Variants in ZEB1 observed in about 807,000 individuals in gnomAD.
ZEB1 encodes the protein zinc finger E-box binding homeobox 1.
In ZEB1, 21 loss-of-function variants were observed where a neutral mutation model predicts 84.9. That is an observed-to-expected ratio of 0.25 (90% CI 0.18 to 0.36). ZEB1 has a LOEUF of 0.36. Among genes scored for constraint, ZEB1 ranks in the 10% least tolerant of loss-of-function variants. The probability of loss-of-function intolerance (pLI) is 1.00; values close to 1 mark genes in which losing one functional copy is unlikely to be tolerated. For missense variants in ZEB1, 1,104 were observed against 1,330.2 expected (o/e 0.83, Z 2.65); for synonymous variants, 420 against 471.1 (o/e 0.89, Z 1.41).
intron 1 of ZEB1, among the ~76,000 whole-genome samples, chr10:31,446,335 C>A (rs1008850205): frequency 6.6e-6 from 1 of 151,962 alleles, no homozygotes; most frequent in African/African-American, 2.4e-5. Flanking sequence ...AGTGGTCTAT[C>A]AATTTTGTTG....
intron 1 of ZEB1, among the ~76,000 whole-genome samples, chr10:31,369,596 C>A (rs572159438): frequency 2.6e-5 from 4 of 152,274 alleles, no homozygotes; most frequent in Admixed American, 1.3e-4. Context: ...TTCCTTGATT[C>A]ATCCATTGAT....
At chr10:31,408,513 AC>A (rs2053583011) in intron 1 of ZEB1, among the ~76,000 whole-genome samples, 1 of 150,010 alleles carries the variant, frequency 6.7e-6, no homozygotes, top group South Asian at 2.1e-4. Context: ...GGCTACAGTA[AC>A]CAAAACAGCA....
chr10:31,405,612 T>C (rs1419759856), intron 1 of ZEB1, among the ~76,000 whole-genome samples: 1 of 152,146 alleles, frequency 6.6e-6, no homozygotes, highest in Admixed American at 6.6e-5. Flanking sequence ...AAGCCCATTG[T>C]GGTTTTTACA....
intron 1 of ZEB1, among the ~76,000 whole-genome samples, chr10:31,322,568 A>T (rs975685329): frequency 6.6e-6 from 1 of 152,220 alleles, no homozygotes; most frequent in African/African-American, 2.4e-5. Flanking sequence ...CCAATTGAGT[A>T]AGGTTTGGCC....
At chr10:31,437,227 T>C (rs565602256) in intron 1 of ZEB1, among the ~76,000 whole-genome samples, 603 of 152,312 alleles carry the variant, frequency 4.0e-3, no homozygotes, top group Non-Finnish European at 6.5e-3. Context: ...CATTTAATTA[T>C]GTACTATGAC....
chr10:31,487,350 TCTTC>T (rs2065882137), intron 2 of ZEB1, among the ~76,000 whole-genome samples: 1 of 151,452 alleles, frequency 6.6e-6, no homozygotes, highest in South Asian at 2.1e-4. Context: ...AGAACTGACT[TCTTC>T]CTTAAAGTGT....
intron 2 of ZEB1, among the ~76,000 whole-genome samples, chr10:31,473,791 A>G (rs367739085): frequency 8.8e-4 from 132 of 150,210 alleles, no homozygotes; most frequent in East Asian, 2.0e-3. Flanking sequence ...GAGGCATCAC[A>G]CTACCTGACT....
intron 1 of ZEB1, among the ~76,000 whole-genome samples, chr10:31,451,182 T>C (rs150223504): frequency 2.2e-3 from 330 of 152,318 alleles, no homozygotes; most frequent in African/African-American, 7.6e-3. Context: ...TATTTACATT[T>C]TCCTAGAAAG....
chr10:31,495,596 A>C (rs1347596836), intron 2 of ZEB1, among the ~76,000 whole-genome samples, 180 bp from the exon 3 acceptor site: 1 of 152,052 alleles, frequency 6.6e-6, no homozygotes, highest in East Asian at 1.9e-4. Context: ...TTGTTTTTTT[A>C]ATCTTTTATT....
At chr10:31,386,731 A>G (rs1446463286) in intron 1 of ZEB1, among the ~76,000 whole-genome samples, 1 of 152,196 alleles carries the variant, frequency 6.6e-6, no homozygotes, top group Non-Finnish European at 1.5e-5. Flanking sequence ...ATATGCCATT[A>G]TCTTGGAAAT....
At chr10:31,452,294 A>G (rs569516025) in intron 1 of ZEB1, among the ~76,000 whole-genome samples, 1 of 152,162 alleles carries the variant, frequency 6.6e-6, no homozygotes, top group Non-Finnish European at 1.5e-5. Context: ...ATTATATAAC[A>G]TTACATTTGT....
At chr10:31,356,925 T>G (rs539866900) in intron 1 of ZEB1, among the ~76,000 whole-genome samples, 4 of 152,276 alleles carry the variant, frequency 2.6e-5, no homozygotes, top group African/African-American at 9.6e-5. Context: ...ATACAGATTT[T>G]TATGTAAATT....
intron 1 of ZEB1, among the ~76,000 whole-genome samples, chr10:31,330,115 G>C (rs1045690036): frequency 2.6e-5 from 4 of 152,182 alleles, no homozygotes; most frequent in Admixed American, 2.0e-4. Flanking sequence ...GCCTATTCCA[G>C]ATCTTCAGGA....
intron 1 of ZEB1, chr10:31,361,133 T>C (rs2042983782): frequency 3.7e-6 from 6 of 1,611,988 alleles, no homozygotes; most frequent in African/African-American, 2.7e-5. Flanking sequence ...AAAGAAGAAC[T>C]GATTGAAGAG....
chr10:31,461,217 A>G lies in ZEB1; in HGVS notation c.239A>G (p.Lys80Arg). ...GRSSEREGNA[K>R]NCWEDDTGKE... Reference sequence around the variant, plus strand: ...AGCAGTGAAAGAGAAGGGAATGCTAAGAACTGCTGGGAGGATGACAGTAAG... The same window carrying G: ...AGCAGTGAAAGAGAAGGGAATGCTAGGAACTGCTGGGAGGATGACAGTAAG... The change falls in exon 2 of 9, where the codon AAG (lysine) becomes AGG (arginine). Residue 80 changes from lysine to arginine, a missense_variant. By Grantham distance (26) the Lys-to-Arg change is conservative. Around this residue, in one of 7 missense-constraint regions of ZEB1, gnomAD observed 162 missense variants for 184.5 expected, o/e 0.88. Transcript: ENST00000424869. 1 of 1,613,172 alleles carries G rather than the reference A, an allele frequency of 6.2e-7. No individual in the cohort carries two copies.
Position 31,476,068 on chromosome 10 carries a change from G to T in ZEB1, c.259+14831G>T, listed in dbSNP as rs191325044. Among the ~76,000 whole-genome samples, 380 of 151,968 alleles carry T rather than the reference G, an allele frequency of 2.5e-3. 2 individuals are homozygous for T. The South Asian group carries it at 0.025, about 10-fold the overall frequency. On this transcript the variant is annotated intron_variant, in intron 2 of 8. Transcript: ENST00000424869. The stretch of plus-strand genomic sequence containing the variant: ...CACCTAATGGCAAAAGACAACTACA[G>T]ACTCAAAGTAAAGGGACTAGCAGAA...
intron 1 of ZEB1, among the ~76,000 whole-genome samples, chr10:31,403,190 C>A (rs889386130): frequency 1.3e-5 from 2 of 151,874 alleles, no homozygotes; most frequent in Non-Finnish European, 2.9e-5. Flanking sequence ...GATTTTATTT[C>A]TTTCTGTGTA....
intron 1 of ZEB1, among the ~76,000 whole-genome samples, chr10:31,364,426 T>G (rs1336064663): frequency 1.3e-5 from 2 of 152,142 alleles, no homozygotes; most frequent in East Asian, 3.9e-4. Flanking sequence ...CCAGTGGCCC[T>G]GTTTTGGCCG....
intron 1 of ZEB1, chr10:31,373,203 G>A (rs1261680583): frequency 1.1e-5 from 11 of 984,370 alleles, no homozygotes; most frequent in Non-Finnish European, 1.3e-5. Context: ...TTGTGTGTGT[G>A]TGTGTGTGTG....
Sources: gnomAD v4.1 joint callset for allele counts (sites outside exome capture counted in the v4.1 genomes callset) on GRCh38, gnomAD v4.1.1 for gene constraint, gnomAD v4.1.1 regional missense constraint, MANE v1.5 for transcripts, NCBI Gene and HGNC (gene_info 2026-07-23, HGNC 2026-07-21) for gene names.